PPP4R3B: variants seen among roughly 807,000 people sequenced by gnomAD.
The protein encoded by PPP4R3B is serine/threonine-protein phosphatase 4 regulatory subunit 3B.
PPP4R3B carries 52 observed loss-of-function variants against 95.4 expected under a neutral mutation model. That is an observed-to-expected ratio of 0.54 (90% CI 0.44 to 0.69). The LOEUF is 0.69. Ranked by LOEUF, PPP4R3B falls within the 30% of genes least tolerant of loss-of-function variation. The pLI is 0.00. For missense variants in PPP4R3B, 1,003 were observed against 1,005.9 expected, an observed-to-expected ratio of 1.00 and a Z score of 0.04; for synonymous variants, 407 against 343.9, an observed-to-expected ratio of 1.18 and a Z score of -2.03.
At chr2:55,599,083 A>C (rs775082255) in intron 3 of PPP4R3B, 44 bp from the exon 4 acceptor site, 1 of 1,502,182 alleles carries the variant, frequency 6.7e-7, no homozygotes, top group Non-Finnish European at 8.9e-7. Flanking sequence ...AAAATACAAA[A>C]TAATTCAAAA....
At chr2:55,560,912 T>C (rs139458469) in intron 15 of PPP4R3B, among the ~76,000 whole-genome samples, 20 of 152,136 alleles carry the variant, frequency 1.3e-4, no homozygotes, top group Admixed American at 3.9e-4. Context: ...AGCATAAAGT[T>C]TGGAAAACTT....
At chr2:55,612,704 G>C (rs868582897) in intron 2 of PPP4R3B, among the ~76,000 whole-genome samples, 11 of 152,130 alleles carry the variant, frequency 7.2e-5, no homozygotes, top group Admixed American at 1.3e-4. Context: ...CAGCACTTTG[G>C]GGGGCCGAGG....
At chr2:55,611,761 CTT>C (rs1411739734) in intron 2 of PPP4R3B, among the ~76,000 whole-genome samples, 2 of 152,074 alleles carry the variant, frequency 1.3e-5, no homozygotes, top group Non-Finnish European at 2.9e-5. Flanking sequence ...AGAAAAATCG[CTT>C]TGTCTCTCCA....
At chr2:55,615,771 G>A (rs1326848142) in intron 1 of PPP4R3B, among the ~76,000 whole-genome samples, 1 of 145,472 alleles carries the variant, frequency 6.9e-6, no homozygotes, top group African/African-American at 2.5e-5. Flanking sequence ...AGAATCGCTT[G>A]AGAGAGAGGG....
At chr2:55,568,397 A>C (rs768047733) in intron 12 of PPP4R3B, 34 bp from the exon 13 acceptor site, 15 of 1,509,140 alleles carry the variant, frequency 9.9e-6, no homozygotes, top group Admixed American at 6.2e-5. Flanking sequence ...TAAGTTAATG[A>C]TCTTACTAAA....
intron 3 of PPP4R3B, among the ~76,000 whole-genome samples, chr2:55,601,384 C>CTT (rs942809837): frequency 2.8e-5 from 4 of 142,104 alleles, no homozygotes; most frequent in South Asian, 2.3e-4. Flanking sequence ...CTGTCTTTTT[C>CTT]TTTTTTTTTT....
At position 55,549,812 on chromosome 2, in the gene PPP4R3B, T is replaced by G. The variant is rs1033551079; in HGVS notation, c.*99A>C. The G allele has an allele frequency of 1.1e-5, 10 of 905,008 alleles. No homozygotes were observed. The highest frequency in any genetic ancestry group is 1.9e-5 in the Admixed American group (1 of 51,680). 56.1% of individuals were successfully genotyped at this position (905,008 alleles called of 1,614,324 possible). ...GTCTTTTGCTACTCCTTGTATATTTTATAAGTTCAATTGAGAAAGCTTTCT... is the reference window on the plus strand; with the variant it reads ...GTCTTTTGCTACTCCTTGTATATTTGATAAGTTCAATTGAGAAAGCTTTCT... On this transcript the variant is annotated 3_prime_UTR_variant, in exon 17 of 17. Coordinates refer to ENST00000616407, the MANE Select transcript of PPP4R3B (RefSeq NM_001122964.3).
rs1054346180 is a variant in PPP4R3B at position 55,548,437 on chromosome 2, C to A, written c.*1474G>T. 2 of 152,610 alleles carry A rather than the reference C, an allele frequency of 1.3e-5. No homozygotes were observed. The highest frequency in any genetic ancestry group is 4.8e-5 in the African/African-American group (2 of 41,440). The allele number at this position is 152,610 out of a possible 1,614,324, so 9.5% of individuals were successfully genotyped here. Reference sequence around the variant, plus strand: ...TTACAGTTTAGCATTAATATCACCACATGTATACAAATGGTGTAAAACAAG... The same window carrying A: ...TTACAGTTTAGCATTAATATCACCAAATGTATACAAATGGTGTAAAACAAG... On this transcript the variant is annotated 3_prime_UTR_variant, in exon 17 of 17. Coordinates refer to ENST00000616407, the MANE Select transcript of PPP4R3B (RefSeq NM_001122964.3).
At chr2:55,564,598 TTAAC>T (rs1435444929) in intron 14 of PPP4R3B, 101 bp from the exon 15 acceptor site, 3 of 999,434 alleles carry the variant, frequency 3.0e-6, no homozygotes, top group Middle Eastern at 2.6e-4. Context: ...TGAAGTAATT[TTAAC>T]TGACTATAAT....
chr2:55,606,563 T>G (rs1693424265), intron 2 of PPP4R3B, among the ~76,000 whole-genome samples: 1 of 151,910 alleles, frequency 6.6e-6, no homozygotes, highest in Non-Finnish European at 1.5e-5. Context: ...GGCTCACACC[T>G]GTAATCCCAG....
chr2:55,552,674 G>A lies in PPP4R3B; in HGVS notation c.2455-2668C>T, dbSNP rs563046774. On this transcript the variant is annotated intron_variant, in intron 16 of 16. Coordinates refer to ENST00000616407, the MANE Select transcript of PPP4R3B (RefSeq NM_001122964.3). ...CTCCCAAAGCCGAGCCACCATGCTC[G>A]GCTTCATCATATACTTTAATTCCTG... is the stretch of plus-strand genomic sequence containing the variant. Among the ~76,000 whole-genome samples, 9 of 152,180 alleles carry A rather than the reference G, an allele frequency of 5.9e-5. No individual in the cohort carries two copies. The East Asian group carries it at 1.7e-3, about 29-fold the overall frequency.
At chr2:55,572,927 T>C (rs1019414508) in intron 12 of PPP4R3B, among the ~76,000 whole-genome samples, 2 of 152,112 alleles carry the variant, frequency 1.3e-5, no homozygotes, top group Admixed American at 1.3e-4. Flanking sequence ...AGAGTAGTAT[T>C]AGTGGGCTGA....
chr2:55,612,494 G>A (rs1487992501), intron 2 of PPP4R3B, among the ~76,000 whole-genome samples: 1 of 152,156 alleles, frequency 6.6e-6, no homozygotes, highest in Non-Finnish European at 1.5e-5. Context: ...TGAAGCAAAA[G>A]GATCACTTGA....
At position 55,603,496 on chromosome 2, in the gene PPP4R3B, G is replaced by A. The variant is rs183152395; in HGVS notation, c.297+482C>T. On this transcript the variant is annotated intron_variant, in intron 3 of 16. Coordinates refer to ENST00000616407, the MANE Select transcript of PPP4R3B (RefSeq NM_001122964.3). Reference sequence around the variant, plus strand: ...ATCTAAAACTGTCCTAAAACAAAAGGTTTCTTTTAAAAAAATTCTAGTTAC... The same window carrying A: ...ATCTAAAACTGTCCTAAAACAAAAGATTTCTTTTAAAAAAATTCTAGTTAC... Among the ~76,000 whole-genome samples, 8 of 151,964 alleles carry A rather than the reference G, an allele frequency of 5.3e-5. No individual in the cohort carries two copies. The South Asian group carries it at 1.7e-3, about 32-fold the overall frequency.
intron 2 of PPP4R3B, among the ~76,000 whole-genome samples, chr2:55,613,770 T>C (rs1194134425): frequency 1.3e-5 from 2 of 151,526 alleles, no homozygotes; most frequent in African/African-American, 4.8e-5. Flanking sequence ...AAGAACAAAG[T>C]TCCTGATAAT....
At chr2:55,601,128 C>T (rs1012962722) in intron 3 of PPP4R3B, among the ~76,000 whole-genome samples, 3 of 130,704 alleles carry the variant, frequency 2.3e-5, no homozygotes, top group Non-Finnish European at 4.8e-5. Context: ...CTGGGGAGAG[C>T]CAGACCATGT....
intron 12 of PPP4R3B, 90 bp downstream of exon 12, chr2:55,573,529 G>A (rs1688269581): frequency 1.7e-6 from 2 of 1,177,602 alleles, no homozygotes. Flanking sequence ...CTCATTCATA[G>A]AATATACACT....
At chr2:55,611,780 G>A (rs1325587142) in intron 2 of PPP4R3B, among the ~76,000 whole-genome samples, 4 of 152,008 alleles carry the variant, frequency 2.6e-5, no homozygotes, top group Non-Finnish European at 5.9e-5. Context: ...TCCACCTGGA[G>A]TGCAGTGGTA....
At chr2:55,570,225 G>A (rs1029715569) in intron 12 of PPP4R3B, among the ~76,000 whole-genome samples, 32 of 152,300 alleles carry the variant, frequency 2.1e-4, no homozygotes, top group African/African-American at 7.2e-4. Flanking sequence ...ACCCCAGCAT[G>A]GGTGACAGAG....
Sources: allele counts gnomAD v4.1 joint callset (sites outside exome capture counted in the v4.1 genomes callset), GRCh38; gene constraint gnomAD v4.1.1; transcripts MANE v1.5; gene names NCBI Gene and HGNC (gene_info 2026-07-23, HGNC 2026-07-21).